The following NRXN3 variants were observed in gnomAD, a reference collection of about 807,000 sequenced individuals.
NRXN3 encodes the protein neurexin 3.
In NRXN3, 32 loss-of-function variants were observed where a neutral mutation model predicts 137.6. The observed-to-expected ratio is 0.23, with a 90% CI of 0.18 to 0.31. The LOEUF (loss-of-function observed/expected upper bound fraction) is 0.31. Ranked by LOEUF, NRXN3 falls within the 10% of genes least tolerant of loss-of-function variation. NRXN3 has a pLI of 1.00. For synonymous variants in NRXN3, 798 were observed against 784.5 expected, an observed-to-expected ratio of 1.02 and a Z score of -0.29; for missense variants, 1,574 against 2,062.5, an observed-to-expected ratio of 0.76 and a Z score of 4.59.
intron 1 of NRXN3, among the ~76,000 whole-genome samples, chr14:78,174,358 G>A (rs545469480): frequency 3.3e-5 from 5 of 152,268 alleles, no homozygotes; most frequent in Middle Eastern, 3.4e-3. Context: ...TCAGTGGGCT[G>A]TGTCGAACCA....
At chr14:78,994,072 T>A (rs1425196834) in intron 15 of NRXN3, among the ~76,000 whole-genome samples, 1 of 151,942 alleles carries the variant, frequency 6.6e-6, no homozygotes, top group Non-Finnish European at 1.5e-5. Flanking sequence ...GCCAGGCTGG[T>A]CTCGAATTCC....
intron 8 of NRXN3, among the ~76,000 whole-genome samples, chr14:78,718,005 A>G (rs1344632365): frequency 6.6e-6 from 1 of 152,168 alleles, no homozygotes; most frequent in East Asian, 1.9e-4. Flanking sequence ...CATCCACTCT[A>G]GGCACTTCTG....
intron 5 of NRXN3, among the ~76,000 whole-genome samples, chr14:78,646,823 C>T (rs1202837988): frequency 6.6e-6 from 1 of 152,190 alleles, no homozygotes; most frequent in African/African-American, 2.4e-5. Flanking sequence ...CGTCATTCCT[C>T]ATCCATACTT....
chr14:78,875,821 A>G (rs2099112688), intron 10 of NRXN3, among the ~76,000 whole-genome samples: 1 of 152,204 alleles, frequency 6.6e-6, no homozygotes. Flanking sequence ...TTGCAGAAAG[A>G]ATGAGTGAAT....
At chr14:79,688,745 T>C (rs1452814518) in intron 17 of NRXN3, among the ~76,000 whole-genome samples, 1 of 152,168 alleles carries the variant, frequency 6.6e-6, no homozygotes, top group Non-Finnish European at 1.5e-5. Context: ...TTCACAATAT[T>C]ATAATTCCAC....
chr14:78,498,435 G>A (rs970991579), intron 4 of NRXN3, among the ~76,000 whole-genome samples: 2 of 152,154 alleles, frequency 1.3e-5, no homozygotes, highest in Non-Finnish European at 2.9e-5. Flanking sequence ...CCAGACAGGT[G>A]GGATCCCAGT....
chr14:78,645,193 G>T lies in NRXN3; in HGVS notation c.831G>T (p.Gln277His). 1 of 1,597,032 alleles carries T rather than the reference G, an allele frequency of 6.3e-7. No homozygotes were observed. The highest frequency in any genetic ancestry group is 8.5e-7 in the Non-Finnish European group (1 of 1,179,102). ...LCYDLSQNPI[Q>H]SSSDEITLSF... ...ACGACCTGTCTCAGAACCCGATCCA[G>T]AGCAGCAGTGATGAAATCACCCTCT... The change falls in exon 5 of 21, where the codon CAG becomes CAT. Residue 277 changes from glutamine (Q) to histidine (H), a missense_variant. By Grantham distance (24) the Gln-to-His change is conservative. Around this residue, in one of 5 missense-constraint regions of NRXN3, gnomAD observed 400 missense variants for 527.3 expected, o/e 0.76. Coordinates refer to ENST00000335750, the MANE Select transcript of NRXN3 (RefSeq NM_001330195.2).
intron 16 of NRXN3, among the ~76,000 whole-genome samples, chr14:79,613,316 CGTT>C (rs2098123153): frequency 1.3e-5 from 2 of 152,186 alleles, no homozygotes; most frequent in Non-Finnish European, 2.9e-5. Context: ...TTTATGTTAT[CGTT>C]GTTACAGTGA....
intron 15 of NRXN3, among the ~76,000 whole-genome samples, chr14:79,101,121 C>G (rs1006664605): frequency 1.3e-5 from 2 of 152,152 alleles, no homozygotes; most frequent in Non-Finnish European, 2.9e-5. Flanking sequence ...GAATAACTGG[C>G]TGTTTCCCAT....
chr14:79,430,875 C>T (rs1375457175), intron 15 of NRXN3, among the ~76,000 whole-genome samples: 1 of 152,108 alleles, frequency 6.6e-6, no homozygotes, highest in South Asian at 2.1e-4. Flanking sequence ...AGTTATTGAT[C>T]TTTTTAGAAG....
At chr14:78,575,490 T>C (rs899997419) in intron 4 of NRXN3, among the ~76,000 whole-genome samples, 1 of 152,224 alleles carries the variant, frequency 6.6e-6, no homozygotes, top group Non-Finnish European at 1.5e-5. Context: ...CTAGAATGCT[T>C]GATCTCTGGG....
intron 8 of NRXN3, among the ~76,000 whole-genome samples, chr14:78,796,794 T>C (rs2098823309): frequency 6.6e-6 from 1 of 152,068 alleles, no homozygotes; most frequent in South Asian, 2.1e-4. Flanking sequence ...ACGTGATCTC[T>C]CAACCAACAC....
chr14:78,672,477 C>G (rs970448806), intron 6 of NRXN3, among the ~76,000 whole-genome samples: 2 of 152,218 alleles, frequency 1.3e-5, no homozygotes, highest in Non-Finnish European at 2.9e-5. Context: ...GCTGAGGTAG[C>G]TTGGACCATG....
chr14:78,340,196 A>G (rs888953169), intron 4 of NRXN3, among the ~76,000 whole-genome samples: 1 of 152,200 alleles, frequency 6.6e-6, no homozygotes, highest in African/African-American at 2.4e-5. Flanking sequence ...CCAACTTGGC[A>G]GGCAACAGAA....
At chr14:79,627,454 C>A (rs1312971686) in intron 16 of NRXN3, among the ~76,000 whole-genome samples, 1 of 152,078 alleles carries the variant, frequency 6.6e-6, no homozygotes, top group Non-Finnish European at 1.5e-5. Flanking sequence ...CCAGCCACAC[C>A]CCAAAAGAAT....
chr14:79,768,339 G>C (rs546485454), intron 19 of NRXN3, among the ~76,000 whole-genome samples: 97 of 152,366 alleles, frequency 6.4e-4, no homozygotes, highest in Admixed American at 1.4e-3. Context: ...CAAACAAAAA[G>C]ACAGCAGTAA....
At chr14:78,654,340 T>C (rs965609343) in intron 6 of NRXN3, among the ~76,000 whole-genome samples, 5 of 152,242 alleles carry the variant, frequency 3.3e-5, no homozygotes, top group African/African-American at 4.8e-5. Context: ...AATCTTCTCT[T>C]GCCATTTGTG....
chr14:78,665,758 C>T, intron 6 of NRXN3, among the ~76,000 whole-genome samples: 1 of 152,244 alleles, frequency 6.6e-6, no homozygotes, highest in South Asian at 2.1e-4. Flanking sequence ...TTGGCACATT[C>T]AAGAAAAGTC....
At chr14:79,573,696 G>T (rs919362761) in intron 16 of NRXN3, among the ~76,000 whole-genome samples, 4 of 151,986 alleles carry the variant, frequency 2.6e-5, no homozygotes, top group African/African-American at 9.7e-5. Flanking sequence ...CTGCTGTTGT[G>T]GTTACTTGGC....
Sources: gnomAD v4.1 joint callset for allele counts (sites outside exome capture counted in the v4.1 genomes callset) on GRCh38, gnomAD v4.1.1 for gene constraint, gnomAD v4.1.1 regional missense constraint, MANE v1.5 for transcripts, NCBI Gene and HGNC (gene_info 2026-07-23, HGNC 2026-07-21) for gene names.